The following SGCD variants were observed in gnomAD, a reference collection of about 807,000 sequenced individuals.
SGCD encodes the protein sarcoglycan delta, also known as delta-sarcoglycan.
SGCD carries 18 observed loss-of-function variants against 36.6 expected under a neutral mutation model. The ratio of observed to expected loss-of-function variants is 0.49; its 90% CI spans 0.34 to 0.73. The LOEUF (loss-of-function observed/expected upper bound fraction) is 0.73, where lower values mean the gene tolerates loss of function less well. Among genes scored for constraint, SGCD ranks in the 30% least tolerant of loss-of-function variants. SGCD has a pLI of 0.01. For missense variants in SGCD, 387 were observed against 346.7 expected, an observed-to-expected ratio of 1.12 and a Z score of -0.92; for synonymous variants, 133 against 130.6, an observed-to-expected ratio of 1.02 and a Z score of -0.12.
chr5:156,605,018 G>T (rs929415376), intron 6 of SGCD, among the ~76,000 whole-genome samples: 72 of 151,562 alleles, frequency 4.8e-4, no homozygotes, highest in Admixed American at 2.8e-3. Context: ...GTTTGATTAT[G>T]AATTTACTTC....
chr5:156,476,604 G>T (rs950219431), intron 3 of SGCD, among the ~76,000 whole-genome samples: 9 of 152,116 alleles, frequency 5.9e-5, no homozygotes, highest in African/African-American at 2.2e-4. Context: ...CTGGAGAAAA[G>T]AAAAAATGCC....
chr5:156,520,953 A>T (rs1757374960), intron 4 of SGCD, among the ~76,000 whole-genome samples: 1 of 137,390 alleles, frequency 7.3e-6, no homozygotes, highest in Non-Finnish European at 1.5e-5. Context: ...GGAGGTGGAT[A>T]TTGCAGTGAG....
intron 4 of SGCD, among the ~76,000 whole-genome samples, chr5:156,512,635 G>A (rs1450164914): frequency 6.6e-6 from 1 of 152,064 alleles, no homozygotes; most frequent in East Asian, 1.9e-4. Flanking sequence ...CTTTCCTGAA[G>A]TACACTTCTG....
chr5:156,712,156 C>G (rs1462318699), intron 7 of SGCD, among the ~76,000 whole-genome samples: 1 of 152,192 alleles, frequency 6.6e-6, no homozygotes, highest in African/African-American at 2.4e-5. Flanking sequence ...GTGCTGACCT[C>G]CCATCTCATC....
At chr5:156,525,871 G>A (rs1260785741) in intron 4 of SGCD, among the ~76,000 whole-genome samples, 1 of 151,968 alleles carries the variant, frequency 6.6e-6, no homozygotes, top group Non-Finnish European at 1.5e-5. Context: ...TGGTAATTTT[G>A]TTGAAAATTA....
intron 1 of SGCD, among the ~76,000 whole-genome samples, chr5:155,881,183 T>C (rs1175824118): frequency 6.6e-6 from 1 of 152,072 alleles, no homozygotes; most frequent in Non-Finnish European, 1.5e-5. Flanking sequence ...GGCTTGCACC[T>C]GTAATCAATT....
the SGCD span, among the ~76,000 whole-genome samples, chr5:155,732,780 C>A: frequency 6.6e-6 from 1 of 152,182 alleles, no homozygotes. Context: ...TATACACTAC[C>A]ATTTTCCCCA....
chr5:156,362,717 T>G (rs1769869355), intron 3 of SGCD, among the ~76,000 whole-genome samples: 2 of 152,170 alleles, frequency 1.3e-5, no homozygotes, highest in African/African-American at 4.8e-5. Flanking sequence ...GTCTCTGGGA[T>G]GGACCACTAT....
At chr5:155,983,114 G>A (rs528152413) in intron 1 of SGCD, among the ~76,000 whole-genome samples, 1 of 152,254 alleles carries the variant, frequency 6.6e-6, no homozygotes, top group East Asian at 1.9e-4. Context: ...TTTCAGGTTT[G>A]CACAGGGAAT....
chr5:156,102,958 C>T (rs901984591), intron 1 of SGCD, among the ~76,000 whole-genome samples: 2 of 152,070 alleles, frequency 1.3e-5, no homozygotes, highest in East Asian at 1.9e-4. Flanking sequence ...GAGGCAAAAT[C>T]GTGTTGGATT....
the SGCD span, among the ~76,000 whole-genome samples, chr5:155,742,848 G>T: frequency 7.4e-4 from 113 of 152,322 alleles, no homozygotes; most frequent in Middle Eastern, 3.4e-3. Context: ...TATAGATTGG[G>T]TTTCTATTAC....
intron 3 of SGCD, among the ~76,000 whole-genome samples, chr5:156,359,636 C>T (rs1486259695): frequency 1.3e-5 from 2 of 152,186 alleles, no homozygotes; most frequent in African/African-American, 4.8e-5. Context: ...CTCCATTCCT[C>T]AGAGCCTTAG....
In SGCD at chr5:156,759,968, G is replaced by A. The variant is rs184350278; in HGVS notation, c.*578G>A. ...GGCAATGCTGTAGAAGTCAGCCGTA[G>A]GAATTCAAAATGGCTGGCCTACCTT... On this transcript the variant is annotated 3_prime_UTR_variant, in exon 9 of 9. Coordinates refer to ENST00000337851, the MANE Select transcript of SGCD (RefSeq NM_000337.6). The A allele has an allele frequency of 2.6e-3, 390 of 152,288 alleles. 2 individuals are homozygous for A. Among genetic ancestry groups the A allele is most frequent in the African/African-American group, 9.0e-3 (375 of 41,550 alleles). The allele number at this position is 152,288 out of a possible 1,614,324, so 9.4% of individuals were successfully genotyped here. A position where few individuals can be genotyped will look rare whatever the true frequency, so the allele number is the denominator to read the frequency against.
rs139475488 is a variant in SGCD at position 155,972,179 on chromosome 5, G to T, written c.-282+101755G>T. On this transcript the variant is annotated intron_variant, in intron 1 of 9. Transcript: ENST00000517913. ...TCTGGCCATTTCTAATTGAGGAAAA[G>T]AATAATACATGCTAATTGTCGAAAA... Among the ~76,000 whole-genome samples, 383 of 152,246 alleles carry T rather than the reference G, an allele frequency of 2.5e-3. 1 individual carries two copies. Among genetic ancestry groups the T allele is most frequent in the African/African-American group, 8.8e-3 (365 of 41,568 alleles).
rs542045189 is a variant in SGCD at position 155,904,707 on chromosome 5, T to C, written c.-282+34283T>C. On this transcript the variant is annotated intron_variant, in intron 1 of 9. Coordinates refer to the SGCD transcript ENST00000517913. ...GACACTGGCCTCACTTTTTGATGTG[T>C]GACTTGTAACTATAGGTTTTTTAAA... Among the ~76,000 whole-genome samples, 10 of 152,302 alleles carry C rather than the reference T, an allele frequency of 6.6e-5. No individual in the cohort carries two copies. In the Middle Eastern group the frequency reaches 0.014, roughly 207 times the overall value.
At chr5:156,120,013 G>T (rs566859530) in intron 2 of SGCD, among the ~76,000 whole-genome samples, 1 of 152,210 alleles carries the variant, frequency 6.6e-6, no homozygotes, top group African/African-American at 2.4e-5. Context: ...GTTCTTTCTT[G>T]ACATTATTTT....
In SGCD at chr5:156,469,304, G is replaced by A. The variant is rs562653290; in HGVS notation, c.193-39297G>A. Among the ~76,000 whole-genome samples the A allele has an allele frequency of 1.8e-4, 28 of 152,254 alleles. 1 individual carries two copies. Among genetic ancestry groups the A allele is most frequent in the African/African-American group, 6.0e-4 (25 of 41,558 alleles). ...CATGACACAAAAGGATTAACAAATCGTGTTATTAAACAGTCCAAAAGCGTA... is the reference window on the plus strand; with the variant it reads ...CATGACACAAAAGGATTAACAAATCATGTTATTAAACAGTCCAAAAGCGTA... On this transcript the variant is annotated intron_variant, in intron 3 of 8. Transcript: ENST00000337851.
chr5:156,508,394 T>G (rs1408305595), intron 3 of SGCD, among the ~76,000 whole-genome samples: 1 of 152,170 alleles, frequency 6.6e-6, no homozygotes, highest in Non-Finnish European at 1.5e-5. Flanking sequence ...GGAATAGAAT[T>G]TTCTCAGAAA....
rs532584006 is a variant in SGCD at position 155,945,691 on chromosome 5, C to T, written c.-282+75267C>T. 1.1e-4 allele frequency among the ~76,000 whole-genome samples: 17 copies of T among 152,136 alleles called. No homozygotes were observed. In the East Asian group the frequency reaches 1.4e-3, roughly 12 times the overall value. On this transcript the variant is annotated intron_variant, in intron 1 of 9. Transcript: ENST00000517913. Reference sequence around the variant, plus strand: ...TGGTGCCAGGGACCCTCAAGGAATACGAGAAAGACCAGTGTTCCTGAAGCC... The same window carrying T: ...TGGTGCCAGGGACCCTCAAGGAATATGAGAAAGACCAGTGTTCCTGAAGCC...
Sources: allele counts gnomAD v4.1 joint callset (sites outside exome capture counted in the v4.1 genomes callset), GRCh38; gene constraint gnomAD v4.1.1; transcripts MANE v1.5; gene names NCBI Gene and HGNC (gene_info 2026-07-23, HGNC 2026-07-21).